The following RIT2 variants were observed in gnomAD, a reference collection of about 807,000 sequenced individuals.
RIT2 encodes GTP-binding protein Rit2.
In RIT2, 24 loss-of-function variants were observed where a neutral mutation model predicts 23.7. The ratio of observed to expected loss-of-function variants is 1.01; its 90% CI spans 0.73 to 1.43. The LOEUF (loss-of-function observed/expected upper bound fraction) is 1.43. Among genes scored for constraint, RIT2 ranks in the 40% most tolerant of loss-of-function variants. The pLI is 0.00. For missense variants in RIT2, 236 were observed against 266.9 expected, an observed-to-expected ratio of 0.88 and a Z score of 0.81; for synonymous variants, 107 against 91.1, an observed-to-expected ratio of 1.17 and a Z score of -0.99.
intron 1 of RIT2, among the ~76,000 whole-genome samples, chr18:43,106,366 T>G (rs1913822341): frequency 6.6e-6 from 1 of 152,216 alleles, no homozygotes; most frequent in South Asian, 2.1e-4. Flanking sequence ...GGACTTCTGA[T>G]TCATTCAATA....
chr18:43,033,875 A>G lies in RIT2; in HGVS notation c.104-8T>C, dbSNP rs12954451. The G allele has an allele frequency of 0.52, 816,464 of 1,580,510 alleles. 220,569 individuals carry two copies. Among genetic ancestry groups the G allele is most frequent in the Non-Finnish European group, 0.56 (646,322 of 1,153,382 alleles). On this transcript the variant is annotated splice_region_variant and splice_polypyrimidine_tract_variant and intron_variant, in intron 1 of 4. Transcript: ENST00000326695. ...TAAACTGCATTGTCATTGCTGAAAGAAAAAAAACACATTTTGTTTAATAAA... is the reference window on the plus strand; with the variant it reads ...TAAACTGCATTGTCATTGCTGAAAGGAAAAAAACACATTTTGTTTAATAAA...
chr18:43,102,099 A>G (rs1913697861), intron 1 of RIT2, among the ~76,000 whole-genome samples: 1 of 152,204 alleles, frequency 6.6e-6, no homozygotes, highest in South Asian at 2.1e-4. Flanking sequence ...GGGAGAAGTG[A>G]TGCTTTGATT....
intron 1 of RIT2, among the ~76,000 whole-genome samples, chr18:43,089,751 T>C (rs1456971947): frequency 6.6e-6 from 1 of 151,954 alleles, no homozygotes; most frequent in East Asian, 1.9e-4. Flanking sequence ...TACAACTATC[T>C]CATCTTTGGC....
At chr18:42,982,587 T>C (rs1343804827) in intron 2 of RIT2, among the ~76,000 whole-genome samples, 4 of 152,166 alleles carry the variant, frequency 2.6e-5, no homozygotes, top group Non-Finnish European at 4.4e-5. Flanking sequence ...TCAGCTAACA[T>C]GATACAGTTA....
At chr18:43,095,476 C>A (rs1300067052) in intron 1 of RIT2, among the ~76,000 whole-genome samples, 2 of 151,628 alleles carry the variant, frequency 1.3e-5, no homozygotes, top group East Asian at 3.9e-4. Context: ...CAAACCTGTA[C>A]GTTGTGCACA....
intron 3 of RIT2, among the ~76,000 whole-genome samples, chr18:42,967,401 G>A (rs1044981761): frequency 6.6e-6 from 1 of 151,934 alleles, no homozygotes; most frequent in African/African-American, 2.4e-5. Context: ...ACAGAGTCTC[G>A]CTCTGTTGCC....
intron 4 of RIT2, among the ~76,000 whole-genome samples, chr18:42,761,675 T>A (rs926270368): frequency 6.6e-6 from 1 of 151,956 alleles, no homozygotes; most frequent in Admixed American, 6.6e-5. Context: ...CTCTTATTTT[T>A]AAAAAATTAT....
chr18:43,101,323 C>T (rs1052957774), intron 1 of RIT2, among the ~76,000 whole-genome samples: 3 of 152,020 alleles, frequency 2.0e-5, no homozygotes, highest in Middle Eastern at 3.2e-3. Context: ...TCTCATTATG[C>T]CCTATCTCTT....
At chr18:42,974,005 T>G (rs2144204126) in intron 3 of RIT2, 69 bp downstream of exon 3, 2 of 987,828 alleles carry the variant, frequency 2.0e-6, no homozygotes, top group Non-Finnish European at 3.1e-6. Context: ...TCTCCTTTGT[T>G]GTAAATATAT....
chr18:42,928,776 C>T (rs566856110), intron 3 of RIT2, among the ~76,000 whole-genome samples: 5 of 151,512 alleles, frequency 3.3e-5, no homozygotes, highest in African/African-American at 1.2e-4. Context: ...TTTATAAATG[C>T]CAATAATATG....
chr18:42,896,556 C>A (rs1908336229), intron 4 of RIT2, among the ~76,000 whole-genome samples: 1 of 152,186 alleles, frequency 6.6e-6, no homozygotes. Context: ...CCTGCCCACT[C>A]TCTCAACATT....
At chr18:43,000,467 C>A (rs962017713) in intron 2 of RIT2, among the ~76,000 whole-genome samples, 10 of 151,956 alleles carry the variant, frequency 6.6e-5, no homozygotes, top group Non-Finnish European at 1.5e-4. Flanking sequence ...TTCTTAATAT[C>A]TATGGACAGG....
intron 1 of RIT2, among the ~76,000 whole-genome samples, chr18:43,043,576 A>G (rs1912177795): frequency 6.6e-6 from 1 of 152,160 alleles, no homozygotes; most frequent in Non-Finnish European, 1.5e-5. Context: ...CGATTACCTG[A>G]GGTCAGGAGT....
intron 3 of RIT2, among the ~76,000 whole-genome samples, chr18:42,929,032 G>GATATATATATATATATAT (rs1187388200): frequency 1.9e-4 from 3 of 16,068 alleles, no homozygotes; most frequent in African/African-American, 4.4e-4. Context: ...CTAAAATATG[G>GATATATATATATATATAT]AGATATATAT....
At chr18:42,851,511 A>G (rs1907053256) in intron 4 of RIT2, among the ~76,000 whole-genome samples, 1 of 152,222 alleles carries the variant, frequency 6.6e-6, no homozygotes, top group South Asian at 2.1e-4. Flanking sequence ...AGAAGCAAAA[A>G]TTGAAAGGCA....
chr18:42,972,159 T>G (rs2144201535), intron 3 of RIT2, among the ~76,000 whole-genome samples: 1 of 152,046 alleles, frequency 6.6e-6, no homozygotes, highest in Middle Eastern at 3.4e-3. Context: ...TCAATGTTCT[T>G]CCAATTAGAT....
chr18:42,835,808 TAA>T (rs771664622), intron 4 of RIT2, among the ~76,000 whole-genome samples: 4 of 152,144 alleles, frequency 2.6e-5, no homozygotes, highest in Non-Finnish European at 5.9e-5. Context: ...TTAAATAAAA[TAA>T]AAGTTATAAA....
intron 4 of RIT2, among the ~76,000 whole-genome samples, chr18:42,794,927 G>C (rs573867651): frequency 6.6e-6 from 1 of 152,294 alleles, no homozygotes; most frequent in South Asian, 2.1e-4. Flanking sequence ...ATTTACTTAT[G>C]ACATTTCTTT....
chr18:42,839,387 C>T (rs1487946422), intron 4 of RIT2, among the ~76,000 whole-genome samples: 1 of 152,114 alleles, frequency 6.6e-6, no homozygotes, highest in African/African-American at 2.4e-5. Flanking sequence ...TCTTGAGAGC[C>T]ATGTGTTTTC....
Sources: allele counts gnomAD v4.1 joint callset (sites outside exome capture counted in the v4.1 genomes callset), GRCh38; gene constraint gnomAD v4.1.1; transcripts MANE v1.5; gene names NCBI Gene and HGNC (gene_info 2026-07-23, HGNC 2026-07-21).